Variants in C16orf74 observed in about 807,000 individuals in gnomAD.
The protein encoded by C16orf74 is uncharacterized protein C16orf74.
C16orf74 carries 10 observed loss-of-function variants against 6.5 expected under a neutral mutation model. That is an observed-to-expected ratio of 1.54 (90% CI 0.95 to 2.61). The LOEUF is 2.61. Among genes scored for constraint, C16orf74 ranks in the 30% most tolerant of loss-of-function variants. The probability of loss-of-function intolerance (pLI) is 0.00; values close to 1 mark genes in which losing one functional copy is unlikely to be tolerated. For synonymous variants in C16orf74, 60 were observed against 42.5 expected, an observed-to-expected ratio of 1.41 and a Z score of -1.60; for missense variants, 141 against 105.9, an observed-to-expected ratio of 1.33 and a Z score of -1.45.
intron 1 of C16orf74, among the ~76,000 whole-genome samples, chr16:85,747,800 G>A (rs1483953726): frequency 1.3e-5 from 2 of 152,050 alleles, no homozygotes; most frequent in African/African-American, 2.4e-5. Flanking sequence ...GATATACATT[G>A]GTTCCAGCTG....
At chr16:85,711,566 T>G (rs7189256) in intron 2 of C16orf74, among the ~76,000 whole-genome samples, 54,867 of 147,066 alleles carry the variant, frequency 0.37, 11,685 homozygotes, top group East Asian at 0.7. Context: ...GAGGTTGCAG[T>G]GAGCCAAGAT....
At chr16:85,714,919 G>A (rs2152058428) in intron 2 of C16orf74, among the ~76,000 whole-genome samples, 1 of 151,574 alleles carries the variant, frequency 6.6e-6, no homozygotes, top group East Asian at 2.0e-4. Context: ...CACTTTGGGA[G>A]GCCGAGGCGG....
At chr16:85,733,623 T>C (rs911233875) in intron 2 of C16orf74, among the ~76,000 whole-genome samples, 1 of 152,202 alleles carries the variant, frequency 6.6e-6, no homozygotes, top group Admixed American at 6.5e-5. Context: ...GGGGAACTCA[T>C]GTCTAAGGGA....
chr16:85,724,698 G>A (rs749555629), intron 2 of C16orf74, among the ~76,000 whole-genome samples: 6 of 152,166 alleles, frequency 3.9e-5, no homozygotes, highest in South Asian at 2.1e-4. Flanking sequence ...GGATGACAGG[G>A]CAGCCACCCC....
At chr16:85,748,072 C>T (rs573320287) in intron 1 of C16orf74, among the ~76,000 whole-genome samples, 1 of 66,546 alleles carries the variant, frequency 1.5e-5, no homozygotes, top group African/African-American at 3.3e-5. Context: ...GGTGACAGAG[C>T]GAGACTCCGT....
intron 1 of C16orf74, among the ~76,000 whole-genome samples, chr16:85,737,495 C>T (rs1181136434): frequency 2.6e-5 from 4 of 152,172 alleles, no homozygotes; most frequent in Non-Finnish European, 5.9e-5. Flanking sequence ...GCCAAGAGTA[C>T]AAGACTAACT....
chr16:85,708,001 C>T lies in C16orf74; in HGVS notation c.*7G>A, dbSNP rs1309878729. 3 of 1,551,908 alleles carry T rather than the reference C, an allele frequency of 1.9e-6. No individual in the cohort carries two copies. The highest frequency in any genetic ancestry group is 3.3e-4 in the Middle Eastern group (2 of 5,994). On this transcript the variant is annotated 3_prime_UTR_variant, in exon 4 of 4. Transcript: ENST00000284245. ...AGGAGCCAGCCAGCCAAACCCAGGA[C>T]ACCTCCTCAGGCTTCTGGGTCGATT...
intron 2 of C16orf74, among the ~76,000 whole-genome samples, chr16:85,721,978 CTTTTT>C (rs146218477): frequency 1.3e-4 from 12 of 91,142 alleles, no homozygotes; most frequent in African/African-American, 3.0e-4. Context: ...AGATTCTAAC[CTTTTT>C]TTTTTTTTTT....
At chr16:85,723,127 G>A (rs957843371) in intron 2 of C16orf74, among the ~76,000 whole-genome samples, 6 of 152,072 alleles carry the variant, frequency 3.9e-5, no homozygotes, top group African/African-American at 1.4e-4. Flanking sequence ...AGGTGTGGTG[G>A]TGCATGCCTG....
chr16:85,743,326 T>C (rs2054331003), intron 1 of C16orf74: 2 of 152,328 alleles, frequency 1.3e-5, no homozygotes, highest in South Asian at 4.1e-4. Context: ...CTGATAGATA[T>C]CCAGCTGTTT....
At chr16:85,738,299 T>C (rs895298644) in intron 1 of C16orf74, among the ~76,000 whole-genome samples, 1 of 151,146 alleles carries the variant, frequency 6.6e-6, no homozygotes, top group Admixed American at 6.6e-5. Context: ...TCTGGGGCAA[T>C]TGGTCTGGTG....
intron 2 of C16orf74, among the ~76,000 whole-genome samples, chr16:85,719,010 G>T (rs2054052540): frequency 6.6e-6 from 1 of 152,214 alleles, no homozygotes; most frequent in Non-Finnish European, 1.5e-5. Context: ...TTATTCTATG[G>T]GAATGGCCAG....
intron 1 of C16orf74, among the ~76,000 whole-genome samples, chr16:85,736,533 G>C (rs2054246602): frequency 6.6e-6 from 1 of 152,134 alleles, no homozygotes; most frequent in African/African-American, 2.4e-5. Context: ...GACATGGGTG[G>C]GAGATACCAC....
At chr16:85,711,835 C>G (rs765768470) in intron 2 of C16orf74, among the ~76,000 whole-genome samples, 2 of 152,098 alleles carry the variant, frequency 1.3e-5, no homozygotes, top group African/African-American at 2.4e-5. Context: ...TCCTACTGTT[C>G]TCAGGCCTCC....
At chr16:85,711,226 G>C (rs1263155861) in intron 2 of C16orf74, among the ~76,000 whole-genome samples, 1 of 148,904 alleles carries the variant, frequency 6.7e-6, no homozygotes, top group Non-Finnish European at 1.5e-5. Context: ...AGCAGGAGGA[G>C]AATCACTTAA....
intron 2 of C16orf74, among the ~76,000 whole-genome samples, chr16:85,728,649 C>A (rs1173459955): frequency 2.0e-5 from 3 of 152,224 alleles, no homozygotes; most frequent in African/African-American, 7.2e-5. Flanking sequence ...CCCCCGCACA[C>A]CTGCAGCCAC....
intron 2 of C16orf74, among the ~76,000 whole-genome samples, chr16:85,721,849 G>A (rs1196450665): frequency 6.6e-6 from 1 of 152,162 alleles, no homozygotes; most frequent in Non-Finnish European, 1.5e-5. Context: ...CAAGCCCCCA[G>A]TCTGCCCTTG....
intron 3 of C16orf74, among the ~76,000 whole-genome samples, chr16:85,708,586 TCTAAA>T (rs1472996508): frequency 1.3e-5 from 2 of 152,316 alleles, no homozygotes; most frequent in Admixed American, 1.3e-4. Context: ...TTTCCCCATT[TCTAAA>T]CTAGAGATAA....
At chr16:85,711,173 G>A (rs938432101) in intron 2 of C16orf74, among the ~76,000 whole-genome samples, 2 of 151,802 alleles carry the variant, frequency 1.3e-5, no homozygotes, top group Admixed American at 6.6e-5. Flanking sequence ...AATTAGCCCG[G>A]TGTGGTGGCA....
Sources: allele counts gnomAD v4.1 joint callset (sites outside exome capture counted in the v4.1 genomes callset), GRCh38; gene constraint gnomAD v4.1.1; transcripts MANE v1.5; gene names NCBI Gene and HGNC (gene_info 2026-07-23, HGNC 2026-07-21).